NFIB: variants seen among roughly 807,000 people sequenced by gnomAD.
The protein encoded by NFIB is nuclear factor 1 B-type.
Under a neutral mutation model 61.5 loss-of-function variants are expected in NFIB, and 11 were observed. The ratio of observed to expected loss-of-function variants is 0.18; its 90% confidence interval spans 0.11 to 0.30. The LOEUF (loss-of-function observed/expected upper bound fraction) is 0.30. Ranked by LOEUF, NFIB falls within the 10% of genes least tolerant of loss-of-function variation. NFIB has a pLI of 1.00. For missense variants in NFIB, 471 were observed against 608.9 expected (o/e 0.77, Z 2.38); for synonymous variants, 260 against 216.5 (o/e 1.20, Z -1.76).
At chr9:14,204,930 G>A (rs2049468885) in intron 2 of NFIB, 1 of 351,808 alleles carries the variant, frequency 2.8e-6, no homozygotes. Context: ...TACAACGACA[G>A]AGCCAATGAG....
chr9:14,222,452 C>A (rs1226565199), intron 2 of NFIB, among the ~76,000 whole-genome samples: 1 of 152,122 alleles, frequency 6.6e-6, no homozygotes, highest in African/African-American at 2.4e-5. Context: ...GTAATCTGAG[C>A]CTTTGCCCAA....
At chr9:14,312,227 A>G (rs1031826130) in intron 1 of NFIB, among the ~76,000 whole-genome samples, 1 of 152,256 alleles carries the variant, frequency 6.6e-6, no homozygotes, top group Non-Finnish European at 1.5e-5. Flanking sequence ...CAATTTATGA[A>G]TGCCTCAGTC....
At chr9:14,225,990 T>C (rs1587747134) in intron 2 of NFIB, among the ~76,000 whole-genome samples, 1 of 152,316 alleles carries the variant, frequency 6.6e-6, no homozygotes, top group African/African-American at 2.4e-5. Context: ...TTAACACTAA[T>C]TCAGATTTAA....
chr9:14,266,349 C>G (rs141399736), intron 2 of NFIB, among the ~76,000 whole-genome samples: 326 of 152,200 alleles, frequency 2.1e-3, no homozygotes, highest in African/African-American at 7.6e-3. Context: ...CCAGCACTTT[C>G]AGAGGCTAAG....
intron 2 of NFIB, among the ~76,000 whole-genome samples, chr9:14,263,078 A>G (rs1449261951): frequency 6.6e-6 from 1 of 152,114 alleles, no homozygotes; most frequent in Admixed American, 6.5e-5. Flanking sequence ...ATCCTGCCAT[A>G]TTGTTTAAAC....
At chr9:14,315,222 T>C (rs1348662074), upstream of NFIB, among the ~76,000 whole-genome samples, 9 of 151,214 alleles carry the variant, frequency 6.0e-5, no homozygotes, top group Non-Finnish European at 1.3e-4. Context: ...GGGTGCGGGT[T>C]CGTCCCGGGT....
the NFIB span, among the ~76,000 whole-genome samples, chr9:14,521,866 C>T: frequency 6.6e-6 from 1 of 152,220 alleles, no homozygotes; most frequent in Non-Finnish European, 1.5e-5. Flanking sequence ...ATTATTCACT[C>T]TACCCATTGG....
chr9:14,101,035 T>C (rs2118825121), intron 10 of NFIB, among the ~76,000 whole-genome samples: 1 of 152,344 alleles, frequency 6.6e-6, no homozygotes, highest in African/African-American at 2.4e-5. Flanking sequence ...AAATAACATA[T>C]GGAAATATTA....
chr9:14,256,972 A>G (rs1046540718), intron 2 of NFIB, among the ~76,000 whole-genome samples: 1 of 152,180 alleles, frequency 6.6e-6, no homozygotes, highest in Non-Finnish European at 1.5e-5. Flanking sequence ...CAGAGGTGAG[A>G]GCCAAGATGC....
At chr9:14,451,424 C>T in the NFIB span, among the ~76,000 whole-genome samples, 2 of 152,222 alleles carry the variant, frequency 1.3e-5, no homozygotes, top group East Asian at 3.9e-4. Flanking sequence ...TCAACATTGA[C>T]CAACTATTGA....
chr9:14,298,719 G>A (rs1262678750), intron 2 of NFIB, among the ~76,000 whole-genome samples: 1 of 152,126 alleles, frequency 6.6e-6, no homozygotes, highest in East Asian at 1.9e-4. Flanking sequence ...AAGAATAAGA[G>A]GAAACAGTGA....
At chr9:14,441,670 G>A in the NFIB span, among the ~76,000 whole-genome samples, 2 of 151,864 alleles carry the variant, frequency 1.3e-5, no homozygotes, top group East Asian at 3.9e-4. Flanking sequence ...CTTCCTGGGG[G>A]GTCAAGATGG....
At chr9:14,394,227 A>G (rs1195926419) in intron 1 of NFIB, among the ~76,000 whole-genome samples, 2 of 152,244 alleles carry the variant, frequency 1.3e-5, no homozygotes, top group East Asian at 3.8e-4. Context: ...AACAAGTGCT[A>G]TTATAAGGAT....
At chr9:14,259,266 G>C (rs925141259) in intron 2 of NFIB, among the ~76,000 whole-genome samples, 1 of 152,198 alleles carries the variant, frequency 6.6e-6, no homozygotes, top group African/African-American at 2.4e-5. Context: ...AAGTGAAAAG[G>C]CCTAAGGAAG....
Position 14,367,062 on chromosome 9 carries a change from C to T in NFIB, c.108+31462G>A, listed in dbSNP as rs997129761. 2.6e-5 allele frequency among the ~76,000 whole-genome samples: 4 copies of T among 152,178 alleles called. 1 individual carries two copies. The highest frequency in any genetic ancestry group is 4.1e-4 in the South Asian group (2 of 4,824). On this transcript the variant is annotated intron_variant, in intron 1 of 8. Transcript: ENST00000380934. ...TTATACTCCTGTAAGAGTCCACTAA[C>T]CCTGAGTTGATGACCATGATAATGA...
At chr9:14,095,944 G>A (rs116626499) in intron 10 of NFIB, among the ~76,000 whole-genome samples, 2,044 of 152,146 alleles carry the variant, frequency 0.013, 47 homozygotes, top group African/African-American at 0.047. Context: ...TTCAAAATTC[G>A]TGTTCTTCAA....
intron 3 of NFIB, among the ~76,000 whole-genome samples, chr9:14,170,604 G>A (rs1236497906): frequency 6.6e-6 from 1 of 152,160 alleles, no homozygotes; most frequent in Non-Finnish European, 1.5e-5. Context: ...CTATGCCACT[G>A]CACTCCAGCC....
At chr9:14,430,574 CTATTTATT>C in the NFIB span, among the ~76,000 whole-genome samples, 21 of 150,870 alleles carry the variant, frequency 1.4e-4, no homozygotes, top group African/African-American at 2.0e-4. Context: ...CCCTGAAATG[CTATTTATT>C]TATTTATTTA....
chr9:14,200,413 C>T (rs1266969762), intron 2 of NFIB, among the ~76,000 whole-genome samples: 1 of 152,186 alleles, frequency 6.6e-6, no homozygotes, highest in African/African-American at 2.4e-5. Context: ...AATACCAAAA[C>T]TCACATACTC....
Sources: allele counts gnomAD v4.1 joint callset (sites outside exome capture counted in the v4.1 genomes callset), GRCh38; gene constraint gnomAD v4.1.1; transcripts MANE v1.5; gene names NCBI Gene and HGNC (gene_info 2026-07-23, HGNC 2026-07-21).